ZRANB1: variants seen among roughly 807,000 people sequenced by gnomAD.
The protein encoded by ZRANB1 is zinc finger RANBP2-type containing 1, also known as ubiquitin thioesterase ZRANB1.
A neutral mutation model predicts 80.5 loss-of-function variants in ZRANB1; 16 were observed. That is an observed-to-expected ratio of 0.20 (90% CI 0.13 to 0.30). The LOEUF is 0.30. Among genes scored for constraint, ZRANB1 ranks in the 10% least tolerant of loss-of-function variants. The pLI is 1.00. For missense variants in ZRANB1, 576 were observed against 862.6 expected (o/e 0.67, Z 4.16); for synonymous variants, 291 against 293.1 (o/e 0.99, Z 0.07).
the ZRANB1 span, among the ~76,000 whole-genome samples, chr10:124,918,884 A>G: frequency 6.6e-6 from 1 of 152,212 alleles, no homozygotes; most frequent in Admixed American, 6.5e-5. Context: ...GTAGGACAGT[A>G]ATGACATTTT....
At chr10:124,959,845 A>G (rs1951719321) in intron 1 of ZRANB1, among the ~76,000 whole-genome samples, 1 of 151,958 alleles carries the variant, frequency 6.6e-6, no homozygotes, top group South Asian at 2.1e-4. Flanking sequence ...AGGGAGCAAC[A>G]CTTGAGATGG....
the ZRANB1 span, among the ~76,000 whole-genome samples, chr10:124,934,108 C>T: frequency 2.0e-5 from 3 of 152,052 alleles, no homozygotes; most frequent in Admixed American, 6.5e-5. Context: ...CATTTAAATT[C>T]GTTACATTTT....
intron 5 of ZRANB1, among the ~76,000 whole-genome samples, chr10:124,978,551 C>T (rs1309873114): frequency 6.6e-6 from 1 of 152,112 alleles, no homozygotes; most frequent in East Asian, 1.9e-4. Flanking sequence ...ACATGCCAAC[C>T]CAATTTCCCA....
chr10:124,942,642 G>T lies in ZRANB1; in HGVS notation c.149G>T (p.Gly50Val). The T allele has an allele frequency of 1.9e-6, 3 of 1,614,252 alleles. No individual in the cohort carries two copies. Among genetic ancestry groups the T allele is most frequent in the Non-Finnish European group, 2.5e-6 (3 of 1,180,042 alleles). The change falls in exon 1 of 9, where the codon GGT becomes GTT. Residue 50 changes from glycine (G) to valine (V), a missense_variant. This residue lies in a region of ZRANB1 where 411 missense variants were observed against 583.1 expected (regional missense o/e 0.70). Transcript: ENST00000359653. ...TTTAAAAGTGGTTCAAGTGATGTTG[G>T]TAGAGATTGGGATCCTTCCAGCACC... ...DPFKSGSSDV[G>V]RDWDPSSTEG...
upstream of ZRANB1, among the ~76,000 whole-genome samples, chr10:124,940,161 A>G (rs1387512775): frequency 1.3e-5 from 2 of 152,250 alleles, no homozygotes; most frequent in Non-Finnish European, 2.9e-5. Context: ...AAGGTTATAT[A>G]GAAAAATGTC....
chr10:124,980,659 A>C (rs1951923444), intron 5 of ZRANB1, among the ~76,000 whole-genome samples: 1 of 152,202 alleles, frequency 6.6e-6, no homozygotes, highest in Non-Finnish European at 1.5e-5. Context: ...AATGTTTTAA[A>C]CTGAGTTAAA....
intron 2 of ZRANB1, among the ~76,000 whole-genome samples, 199 bp from the exon 3 acceptor site, chr10:124,971,766 G>T (rs1951828112): frequency 6.6e-6 from 1 of 152,142 alleles, no homozygotes; most frequent in Non-Finnish European, 1.5e-5. Flanking sequence ...TGAATCAGAG[G>T]ATAAAACATT....
chr10:124,918,797 C>G, the ZRANB1 span, among the ~76,000 whole-genome samples: 9 of 152,168 alleles, frequency 5.9e-5, no homozygotes, highest in African/African-American at 2.2e-4. Context: ...TGACTTTTGG[C>G]TCTAAAGATA....
chr10:124,922,643 C>T, the ZRANB1 span, among the ~76,000 whole-genome samples: 4 of 151,476 alleles, frequency 2.6e-5, no homozygotes, highest in Admixed American at 6.6e-5. Context: ...CAGGCACGTG[C>T]CACCATGCCC....
rs149000593 is a variant in ZRANB1, at chr10:124,977,398, A to T, written c.1427+3000A>T. On this transcript the variant is annotated intron_variant, in intron 5 of 8. Coordinates refer to ENST00000359653, the MANE Select transcript of ZRANB1 (RefSeq NM_017580.3). The stretch of plus-strand genomic sequence containing the variant: ...TGATCTTATGAGTGAGTTGTCACTA[A>T]TGTTTGTATCGGGACTGGAATTCTC... 3.3e-3 allele frequency among the ~76,000 whole-genome samples: 504 copies of T among 151,408 alleles called. 2 individuals are homozygous for T. The highest frequency in any genetic ancestry group is 0.011 in the African/African-American group (471 of 41,198).
intron 1 of ZRANB1, among the ~76,000 whole-genome samples, chr10:124,952,162 G>T (rs1024515033): frequency 6.6e-6 from 1 of 152,068 alleles, no homozygotes; most frequent in African/African-American, 2.4e-5. Context: ...ACCTCCCCAT[G>T]CGTGCGTCCC....
At chr10:124,940,659 A>G (rs1202141876), upstream of ZRANB1, 1 of 604,272 alleles carries the variant, frequency 1.7e-6, no homozygotes, top group East Asian at 6.8e-5. Flanking sequence ...GCAGGCAGGA[A>G]CATAATACAG....
the ZRANB1 span, among the ~76,000 whole-genome samples, chr10:124,925,912 C>T: frequency 1.3e-5 from 2 of 152,170 alleles, no homozygotes; most frequent in Admixed American, 6.5e-5. Context: ...TCTACTTAGA[C>T]AAAACCTAGA....
Position 124,943,320 on chromosome 10 carries a change from A to T in ZRANB1, c.814+13A>T. ...AATGCTTGTGTGGGTAAGTTTCTGT[A>T]TTCTGCATTTTTTGCGTGGGATGGG... On this transcript the variant is annotated intron_variant, in intron 1 of 8. Coordinates refer to ENST00000359653, the MANE Select transcript of ZRANB1 (RefSeq NM_017580.3). The T allele has an allele frequency of 6.3e-7, 1 of 1,595,644 alleles. No individual in the cohort carries two copies. Among genetic ancestry groups the T allele is most frequent in the Non-Finnish European group, 8.5e-7 (1 of 1,170,552 alleles).
the ZRANB1 span, among the ~76,000 whole-genome samples, chr10:124,936,344 G>A: frequency 1.3e-5 from 2 of 152,250 alleles, no homozygotes. Flanking sequence ...GTGGGAATGA[G>A]AAGACAGTAA....
intron 5 of ZRANB1, among the ~76,000 whole-genome samples, chr10:124,978,518 T>C (rs1251227332): frequency 6.6e-6 from 1 of 152,266 alleles, no homozygotes; most frequent in Non-Finnish European, 1.5e-5. Context: ...CAAGTCTGAA[T>C]ATATTGTACT....
At chr10:124,979,529 G>C (rs949980773) in intron 5 of ZRANB1, among the ~76,000 whole-genome samples, 19 of 152,102 alleles carry the variant, frequency 1.2e-4, no homozygotes, top group African/African-American at 4.1e-4. Context: ...ATCAAGTTCA[G>C]TTTATCAATG....
upstream of ZRANB1, among the ~76,000 whole-genome samples, chr10:124,938,706 G>A (rs998858487): frequency 6.8e-6 from 1 of 146,874 alleles, no homozygotes; most frequent in Non-Finnish European, 1.5e-5. Context: ...ACATCATTAC[G>A]TTTTTTTTTT....
the ZRANB1 span, among the ~76,000 whole-genome samples, chr10:124,928,280 G>A: frequency 2.0e-5 from 3 of 152,044 alleles, no homozygotes; most frequent in African/African-American, 4.8e-5. Context: ...CTACGGTGTC[G>A]CCGAAGCATG....
Sources: gnomAD v4.1 joint callset for allele counts (sites outside exome capture counted in the v4.1 genomes callset) on GRCh38, gnomAD v4.1.1 for gene constraint, gnomAD v4.1.1 regional missense constraint, MANE v1.5 for transcripts, NCBI Gene and HGNC (gene_info 2026-07-23, HGNC 2026-07-21) for gene names.